ITSN1: variants seen among roughly 807,000 people sequenced by gnomAD.
ITSN1 encodes the protein intersectin 1.
Under a neutral mutation model 239.8 loss-of-function variants are expected in ITSN1, and 58 were observed. The ratio of observed to expected loss-of-function variants is 0.24; its 90% CI spans 0.20 to 0.30. ITSN1 has a LOEUF of 0.30. ITSN1 is among the 10% of genes least tolerant of loss of function. ITSN1 has a pLI of 1.00. For synonymous variants in ITSN1, 780 were observed against 770.8 expected (o/e 1.01, Z -0.20); for missense variants, 1,558 against 2,103.3 (o/e 0.74, Z 5.07).
chr21:33,865,053 G>A lies in ITSN1; in HGVS notation c.3891-98G>A. 1.7e-6 allele frequency: 2 copies of A among 1,176,326 alleles called. No homozygotes were observed. The highest frequency in any genetic ancestry group is 2.4e-6 in the Non-Finnish European group (2 of 841,742). 72.9% of individuals were successfully genotyped at this position (1,176,326 alleles called of 1,614,324 possible). On this transcript the variant is annotated intron_variant, in intron 31 of 39. Coordinates refer to ENST00000381318, the MANE Select transcript of ITSN1 (RefSeq NM_003024.3). This position sits in a 1 kb window ranked among gnomAD's most constrained non-coding sequence, Gnocchi z 4.4. ...ATCCTTTAGTGGCCCTTAAGGCTGTGCCCCTCACACACATTCTGTTTCTGT... is the reference window on the plus strand; with the variant it reads ...ATCCTTTAGTGGCCCTTAAGGCTGTACCCCTCACACACATTCTGTTTCTGT...
At chr21:33,764,026 A>G (rs2068549200) in intron 9 of ITSN1, among the ~76,000 whole-genome samples, 1 of 152,200 alleles carries the variant, frequency 6.6e-6, no homozygotes, top group South Asian at 2.1e-4. Context: ...AACATCTTAT[A>G]TCTTTGACAC....
intron 29 of ITSN1, among the ~76,000 whole-genome samples, chr21:33,848,836 G>A (rs2075067194): frequency 6.6e-6 from 1 of 152,114 alleles, no homozygotes; most frequent in Non-Finnish European, 1.5e-5. Flanking sequence ...CCTCACCGCT[G>A]CCTGCCCCCT....
chr21:33,679,899 C>G (rs112742772), intron 1 of ITSN1, among the ~76,000 whole-genome samples: 2 of 151,904 alleles, frequency 1.3e-5, no homozygotes, highest in Non-Finnish European at 2.9e-5. Flanking sequence ...GAGGTTTCAC[C>G]GTGTTAGCCA....
chr21:33,875,497 C>A lies in ITSN1; in HGVS notation c.4317C>A (p.His1439Gln). The change falls in exon 34 of 40, where the codon CAC becomes CAA. Residue 1439 changes from histidine to glutamine, a missense_variant. This residue lies in a region of ITSN1 where 576 missense variants were observed against 893.3 expected (regional missense o/e 0.64). Coordinates refer to ENST00000381318, the MANE Select transcript of ITSN1 (RefSeq NM_003024.3). Reference sequence around the variant, plus strand: ...ACCGGCTGGAGTGGATCCAGGCCCACGTGCAGTGTGAAGGCCTGTCTGAGG... The same window carrying A: ...ACCGGCTGGAGTGGATCCAGGCCCAAGTGCAGTGTGAAGGCCTGTCTGAGG... ...NSDRLEWIQA[H>Q]VQCEGLSEQL... 6.2e-7 allele frequency: 1 copy of A among 1,614,118 alleles called. No individual in the cohort carries two copies. Among genetic ancestry groups the A allele is most frequent in the Non-Finnish European group, 8.5e-7 (1 of 1,180,008 alleles).
chr21:33,883,722 G>GAC (rs1337005103), intron 36 of ITSN1, 51 bp downstream of exon 36: 1 of 1,597,762 alleles, frequency 6.3e-7, no homozygotes, highest in Non-Finnish European at 8.5e-7. Flanking sequence ...ACGGCTCTAG[G>GAC]ACACACAAGG....
At chr21:33,829,351 G>T (rs190065121) in intron 26 of ITSN1, 233 of 410,122 alleles carry the variant, frequency 5.7e-4, no homozygotes, top group African/African-American at 4.4e-3. Flanking sequence ...AGCGGACTTC[G>T]TGGAGGGAAG....
chr21:33,849,685 G>C (rs1292496011), intron 29 of ITSN1, among the ~76,000 whole-genome samples: 3 of 152,010 alleles, frequency 2.0e-5, no homozygotes, highest in Non-Finnish European at 4.4e-5. Flanking sequence ...GTAACACAAA[G>C]GATAAATGCT....
At chr21:33,860,369 C>T (rs1980273424) in intron 31 of ITSN1, among the ~76,000 whole-genome samples, 1 of 151,248 alleles carries the variant, frequency 6.6e-6, no homozygotes, top group Non-Finnish European at 1.5e-5. Context: ...AACCTTTTTC[C>T]TTGGGCAGCT....
intron 7 of ITSN1, among the ~76,000 whole-genome samples, chr21:33,755,048 G>A (rs2067816784): frequency 6.6e-6 from 1 of 152,126 alleles, no homozygotes; most frequent in South Asian, 2.1e-4. Flanking sequence ...ACTTGAAACA[G>A]CCTCTCAGTC....
intron 24 of ITSN1, among the ~76,000 whole-genome samples, chr21:33,822,416 G>T (rs1190485163): frequency 2.6e-5 from 4 of 152,002 alleles, no homozygotes; most frequent in African/African-American, 4.8e-5. Flanking sequence ...TTGGGTAAAT[G>T]GTGATTTTTC....
At chr21:33,700,723 T>G (rs2091971050) in intron 1 of ITSN1, among the ~76,000 whole-genome samples, 1 of 152,104 alleles carries the variant, frequency 6.6e-6, no homozygotes, top group South Asian at 2.1e-4. Flanking sequence ...CTTCTGTAAA[T>G]TTTGCCTGTC....
intron 31 of ITSN1, among the ~76,000 whole-genome samples, chr21:33,861,991 T>TAAAAAAA (rs776558259): frequency 8.6e-5 from 5 of 58,182 alleles, no homozygotes; most frequent in Admixed American, 4.6e-4. Flanking sequence ...TCATCTCTAC[T>TAAAAAAA]AAAAAAAAAA....
intron 34 of ITSN1, among the ~76,000 whole-genome samples, chr21:33,876,139 TTC>T (rs1983776447): frequency 1.4e-4 from 2 of 14,668 alleles, no homozygotes; most frequent in African/African-American, 2.1e-3. Context: ...CTTTCTTTCT[TTC>T]TTTCTTTCTT....
chr21:33,766,694 A>G lies in ITSN1; in HGVS notation c.926+682A>G, dbSNP rs185042801. Among the ~76,000 whole-genome samples, 3 of 152,362 alleles carry G rather than the reference A, an allele frequency of 2.0e-5. No homozygotes were observed. The East Asian group carries it at 5.8e-4, about 29-fold the overall frequency. On this transcript the variant is annotated intron_variant, in intron 10 of 39. Transcript: ENST00000381318. The stretch of plus-strand genomic sequence containing the variant: ...AAATCCCCTTTAAATGAAGAGAAAT[A>G]GAGCCATTACTGTCAGCACACACGT...
intron 10 of ITSN1, among the ~76,000 whole-genome samples, chr21:33,766,887 G>T (rs2068756487): frequency 6.6e-6 from 1 of 152,264 alleles, no homozygotes; most frequent in Admixed American, 6.5e-5. Flanking sequence ...AAAGTGGGGA[G>T]GGTGGTGCGG....
intron 4 of ITSN1, among the ~76,000 whole-genome samples, chr21:33,730,693 C>T (rs1047530917): frequency 1.3e-5 from 2 of 150,728 alleles, no homozygotes; most frequent in African/African-American, 4.9e-5. Flanking sequence ...AGCCACCGTG[C>T]CCAGCCTGTT....
rs71194867 is a variant in ITSN1, at chr21:33,878,008, TTGTGTGTGTG to T, written c.4341+2517_4341+2526del. 6.7e-3 allele frequency among the ~76,000 whole-genome samples: 937 copies of T among 140,300 alleles called. 4 individuals carry two copies. The highest frequency in any genetic ancestry group is 0.036 in the East Asian group (167 of 4,660). The allele number at this position is 140,300 out of a possible 152,430, so 92.0% of individuals were successfully genotyped here. ...TCTCTCTTTCTCTTTCTCTCTCTCT[TTGTGTGTGTG>T]TGTGTGTGTGTGTGTGTGTGTGTGT... On this transcript the variant is annotated intron_variant, in intron 34 of 39. Transcript: ENST00000381318.
intron 34 of ITSN1, among the ~76,000 whole-genome samples, chr21:33,881,945 CAA>C (rs370697945): frequency 2.1e-4 from 19 of 88,372 alleles, no homozygotes; most frequent in Non-Finnish European, 2.7e-4. Flanking sequence ...GACCCTGTCT[CAA>C]AAAAAAAAAA....
intron 38 of ITSN1, 103 bp from the exon 39 acceptor site, chr21:33,886,184 C>A: frequency 1.0e-6 from 1 of 975,720 alleles, no homozygotes; most frequent in Non-Finnish European, 1.5e-6. Context: ...TGCACTGCAG[C>A]CTGGGCGACA....
Sources: gnomAD v4.1 joint callset for allele counts (sites outside exome capture counted in the v4.1 genomes callset) on GRCh38, gnomAD v4.1.1 for gene constraint, gnomAD v4.1.1 regional missense constraint, Gnocchi (gnomAD v3.1) non-coding constraint, MANE v1.5 for transcripts, NCBI Gene and HGNC (gene_info 2026-07-23, HGNC 2026-07-21) for gene names.